The following XXYLT1 variants were observed in gnomAD, a reference collection of about 807,000 sequenced individuals.
XXYLT1 encodes xyloside xylosyltransferase 1.
In XXYLT1, 20 loss-of-function variants were observed where a neutral mutation model predicts 28.9. The observed-to-expected ratio is 0.69, with a 90% confidence interval of 0.49 to 1.00. The LOEUF is 1.00. XXYLT1 is among the 50% of genes least tolerant of loss of function. XXYLT1 has a pLI of 0.00. For synonymous variants in XXYLT1, 257 were observed against 253.8 expected (o/e 1.01, Z -0.12); for missense variants, 542 against 560.1 (o/e 0.97, Z 0.33).
chr3:195,270,290 T>A, intron 1 of XXYLT1: 1 of 779,366 alleles, frequency 1.3e-6, no homozygotes, highest in Admixed American at 3.5e-5. Context: ...CGGACTCTCC[T>A]GGGGGCTGCG....
At position 195,077,904 on chromosome 3, in the gene XXYLT1, G is replaced by A. The variant is rs182167641; in HGVS notation, c.786-7793C>T. ...CAGCCTGCCTGGGGTTGTCAGTCAC[G>A]TGACCTTCCCCCAGCATCTGCAGCC... is the stretch of plus-strand genomic sequence containing the variant. On this transcript the variant is annotated intron_variant, in intron 3 of 3. Transcript: ENST00000310380. This position sits in a 1 kb window ranked among gnomAD's most constrained non-coding sequence, Gnocchi z 4.8. 5.1e-3 allele frequency among the ~76,000 whole-genome samples: 771 copies of A among 152,276 alleles called. 1 individual carries two copies. Among genetic ancestry groups the A allele is most frequent in the Middle Eastern group, 0.01 (3 of 294 alleles).
intron 3 of XXYLT1, among the ~76,000 whole-genome samples, chr3:195,155,534 C>CTTTTTTTT (rs59329078): frequency 6.9e-6 from 1 of 145,686 alleles, no homozygotes; most frequent in African/African-American, 2.5e-5. Context: ...TGTTCCTTTC[C>CTTTTTTTT]TTTTTTTTTT....
In XXYLT1 at chr3:195,069,575, G is replaced by T; in HGVS notation, c.*140C>A. On this transcript the variant is annotated 3_prime_UTR_variant, in exon 4 of 4. Coordinates refer to ENST00000310380, the MANE Select transcript of XXYLT1 (RefSeq NM_152531.5). ...TGGCCTCAGCACAGTGACCTGCCCG[G>T]CAGGAGGTCTCAGCACCTTAATCAC... The T allele has an allele frequency of 7.8e-7, 1 of 1,285,070 alleles. No homozygotes were observed. Among genetic ancestry groups the T allele is most frequent in the Non-Finnish European group, 1.1e-6 (1 of 940,864 alleles). The allele number at this position is 1,285,070 out of a possible 1,614,324, so 79.6% of individuals were successfully genotyped here. A position where few individuals can be genotyped will look rare whatever the true frequency, so the allele number is the denominator to read the frequency against.
chr3:195,270,808 G>C lies in XXYLT1; in HGVS notation c.251C>G (p.Ala84Gly). The change falls in exon 1 of 4, where the codon GCG becomes GGG. Residue 84 changes from alanine to glycine, a missense_variant. Ala to Gly is a moderately conservative substitution (Grantham distance 60). Coordinates refer to ENST00000310380, the MANE Select transcript of XXYLT1 (RefSeq NM_152531.5). ...GCCGCCCTCCAAGCTCTTGGCCTTC[G>C]CGCCGGGGGCTGGCGCCACGGAGCC... Reference protein sequence around the residue: ...ARGSVAPAPGAKAKSLEGGGA... With the variant: ...ARGSVAPAPGGKAKSLEGGGA... 6.6e-7 allele frequency: 1 copy of C among 1,509,330 alleles called. No individual in the cohort carries two copies. Among genetic ancestry groups the C allele is most frequent in the Non-Finnish European group, 8.8e-7 (1 of 1,131,762 alleles). 93.5% of individuals were successfully genotyped at this position (1,509,330 alleles called of 1,614,324 possible). A position where few individuals can be genotyped will look rare whatever the true frequency, so the allele number is the denominator to read the frequency against.
At chr3:195,136,119 T>C (rs895587993) in intron 3 of XXYLT1, among the ~76,000 whole-genome samples, 3 of 152,128 alleles carry the variant, frequency 2.0e-5, no homozygotes, top group Admixed American at 1.3e-4. Flanking sequence ...GCCGTCACCA[T>C]GCTGGGAGGA....
At chr3:195,081,865 G>A (rs1237353764) in intron 3 of XXYLT1, among the ~76,000 whole-genome samples, 1 of 152,202 alleles carries the variant, frequency 6.6e-6, no homozygotes, top group Non-Finnish European at 1.5e-5. Context: ...CACCACCAGG[G>A]TGGGCCTGGG....
At chr3:195,228,367 C>T (rs1033108222) in intron 1 of XXYLT1, among the ~76,000 whole-genome samples, 4 of 152,160 alleles carry the variant, frequency 2.6e-5, no homozygotes, top group Non-Finnish European at 4.4e-5. Context: ...TCCACCTGCC[C>T]TTCCAGTCTC....
At chr3:195,175,498 G>T in intron 2 of XXYLT1, 1 of 1,421,808 alleles carries the variant, frequency 7.0e-7, no homozygotes, top group Non-Finnish European at 9.4e-7. Context: ...TGAGTTCTGT[G>T]TTGCATGTTG....
chr3:195,075,610 A>G (rs113647519), intron 3 of XXYLT1, among the ~76,000 whole-genome samples: 4 of 152,306 alleles, frequency 2.6e-5, no homozygotes, highest in Admixed American at 1.3e-4. Flanking sequence ...TTTCCCCTCC[A>G]GCAGGGCCCA....
chr3:195,107,614 G>A (rs1424253712), intron 3 of XXYLT1, among the ~76,000 whole-genome samples: 2,235 of 24,368 alleles, frequency 0.092, 537 homozygotes, highest in African/African-American at 0.31. Flanking sequence ...AGGAAGGGGA[G>A]GAGGAGGGGG....
chr3:195,260,892 G>T (rs1725677380), intron 1 of XXYLT1, among the ~76,000 whole-genome samples: 2 of 152,180 alleles, frequency 1.3e-5, no homozygotes, highest in Admixed American at 1.3e-4. Flanking sequence ...GCGCAGTTTT[G>T]GTTCATATTG....
chr3:195,169,417 A>G (rs10933701), intron 2 of XXYLT1, among the ~76,000 whole-genome samples: 12,248 of 152,282 alleles, frequency 0.08, 719 homozygotes, highest in East Asian at 0.28. Context: ...GCCCAGACTC[A>G]GGGAGAGGGA....
rs75451066 is a variant in XXYLT1 at position 195,185,826 on chromosome 3, A to G, written c.653-29245T>C. Among the ~76,000 whole-genome samples the G allele has an allele frequency of 1.9e-4, 29 of 151,506 alleles. No individual in the cohort carries two copies. The East Asian group carries it at 5.6e-3, about 29-fold the overall frequency. On this transcript the variant is annotated intron_variant, in intron 2 of 3. Transcript: ENST00000310380. ...TCACACCCCATCTACATACCTGGAC[A>G]CTCCCTCTCCTTGCACAACAAGACC...
At chr3:195,110,013 T>C (rs1717431048) in intron 3 of XXYLT1, among the ~76,000 whole-genome samples, 1 of 57,526 alleles carries the variant, frequency 1.7e-5, no homozygotes, top group African/African-American at 5.1e-5. Flanking sequence ...TGTGGTTGTG[T>C]GTGGCATGAG....
intron 1 of XXYLT1, among the ~76,000 whole-genome samples, chr3:195,244,772 A>AC (rs2108830043): frequency 6.6e-6 from 1 of 150,766 alleles, no homozygotes; most frequent in African/African-American, 2.4e-5. Context: ...AAAAAAAAAA[A>AC]AAAAAAAAAA....
At chr3:195,204,753 T>C (rs1471100835) in intron 2 of XXYLT1, among the ~76,000 whole-genome samples, 2 of 152,198 alleles carry the variant, frequency 1.3e-5, no homozygotes, top group Admixed American at 6.5e-5. Context: ...GCAACCCTCA[T>C]GACCCAGCAG....
Position 195,069,464 on chromosome 3 carries a change from C to T in XXYLT1, c.*251G>A. ...CTTCAAGTGCTTGCTTCCCAGCCCA[C>T]TGGACATGCGTGTCCTTTGTGTCGC... On this transcript the variant is annotated 3_prime_UTR_variant, in exon 4 of 4. Transcript: ENST00000310380. 1 of 474,858 alleles carries T rather than the reference C, an allele frequency of 2.1e-6. No individual in the cohort carries two copies. Among genetic ancestry groups the T allele is most frequent in the Non-Finnish European group, 3.7e-6 (1 of 272,228 alleles). The allele number at this position is 474,858 out of a possible 1,614,324, so 29.4% of individuals were successfully genotyped here. A position where few individuals can be genotyped will look rare whatever the true frequency, so the allele number is the denominator to read the frequency against.
At chr3:195,156,695 C>T in intron 2 of XXYLT1, 114 bp from the exon 3 acceptor site, 2 of 1,354,604 alleles carry the variant, frequency 1.5e-6, no homozygotes, top group Non-Finnish European at 2.0e-6. Flanking sequence ...TTACTGTTGT[C>T]AGTGAATGAT....
chr3:195,245,869 C>T (rs546786845), intron 1 of XXYLT1, among the ~76,000 whole-genome samples: 1 of 152,350 alleles, frequency 6.6e-6, no homozygotes, highest in African/African-American at 2.4e-5. Flanking sequence ...CCTGCTTCCC[C>T]ATCACCTTCC....
Sources: allele counts gnomAD v4.1 joint callset (sites outside exome capture counted in the v4.1 genomes callset), GRCh38; gene constraint gnomAD v4.1.1; non-coding constraint Gnocchi (gnomAD v3.1); transcripts MANE v1.5; gene names NCBI Gene and HGNC (gene_info 2026-07-23, HGNC 2026-07-21).